Variants in CALN1 observed in about 807,000 individuals in gnomAD.
CALN1 encodes the protein calcium-binding protein 8.
In CALN1, 17 loss-of-function variants were observed where a neutral mutation model predicts 30.6. That is an observed-to-expected ratio of 0.56 (90% CI 0.38 to 0.83). CALN1 has a LOEUF of 0.83. Ranked by LOEUF, CALN1 falls within the 40% of genes least tolerant of loss-of-function variation. The pLI is 0.00. For synonymous variants in CALN1, 156 were observed against 131.4 expected (o/e 1.19, Z -1.28); for missense variants, 291 against 354.9 (o/e 0.82, Z 1.45).
chr7:72,057,493 A>G (rs777919386), intron 4 of CALN1, among the ~76,000 whole-genome samples: 9 of 150,632 alleles, frequency 6.0e-5, no homozygotes, highest in Non-Finnish European at 1.3e-4. Flanking sequence ...TTATCATAAC[A>G]TTATTTGTAA....
chr7:71,922,568 A>T (rs1301944423), intron 5 of CALN1, among the ~76,000 whole-genome samples: 2 of 141,094 alleles, frequency 1.4e-5, no homozygotes, highest in African/African-American at 2.6e-5. Flanking sequence ...ATTATATATA[A>T]ATATATAACA....
chr7:72,310,612 C>T (rs144849173), intron 2 of CALN1, among the ~76,000 whole-genome samples: 1,550 of 151,868 alleles, frequency 0.01, 13 homozygotes, highest in Middle Eastern at 0.024. Context: ...TACATCAAAA[C>T]GTAAGAGCAG....
chr7:71,818,130 A>G (rs1048749233), intron 5 of CALN1, among the ~76,000 whole-genome samples: 3 of 152,174 alleles, frequency 2.0e-5, no homozygotes, highest in Non-Finnish European at 4.4e-5. Context: ...AGTCATTTGA[A>G]TTCAATGTGG....
chr7:71,908,160 G>A (rs1219078080), intron 5 of CALN1, among the ~76,000 whole-genome samples: 1 of 152,088 alleles, frequency 6.6e-6, no homozygotes, highest in Non-Finnish European at 1.5e-5. Context: ...TCTTTTCTCT[G>A]TCTGACCTCC....
intron 2 of CALN1, among the ~76,000 whole-genome samples, chr7:72,329,872 T>G (rs1801543811): frequency 6.6e-6 from 1 of 152,124 alleles, no homozygotes; most frequent in Non-Finnish European, 1.5e-5. Context: ...GAGAATCGTT[T>G]GAATCCTGGA....
intron 4 of CALN1, among the ~76,000 whole-genome samples, chr7:72,057,788 T>C (rs998019139): frequency 1.3e-5 from 2 of 152,180 alleles, no homozygotes; most frequent in African/African-American, 4.8e-5. Flanking sequence ...GATTTCTCCA[T>C]TGATCCCCTA....
chr7:72,151,024 G>A (rs151230281), intron 3 of CALN1, among the ~76,000 whole-genome samples: 21 of 152,070 alleles, frequency 1.4e-4, no homozygotes, highest in African/African-American at 4.3e-4. Context: ...CTGCCTTCCC[G>A]TCCTTGCTAT....
intron 5 of CALN1, among the ~76,000 whole-genome samples, chr7:71,887,907 C>T (rs751256371): frequency 3.9e-5 from 6 of 151,936 alleles, no homozygotes; most frequent in Admixed American, 2.0e-4. Flanking sequence ...TAAATGATGG[C>T]GGCTTGGGTG....
chr7:72,410,780 T>C (rs1353881358), intron 1 of CALN1, among the ~76,000 whole-genome samples: 3 of 151,964 alleles, frequency 2.0e-5, no homozygotes, highest in Non-Finnish European at 4.4e-5. Context: ...CACACCTCCG[T>C]ATCAGCTCAC....
chr7:71,791,447 G>A (rs1160117889), intron 6 of CALN1, among the ~76,000 whole-genome samples: 1 of 152,150 alleles, frequency 6.6e-6, no homozygotes, highest in Non-Finnish European at 1.5e-5. Context: ...AACTAACACA[G>A]GAAGAGAAAA....
At chr7:72,308,374 A>AGGGAGAGAGAGG (rs1308000221) in intron 2 of CALN1, among the ~76,000 whole-genome samples, 1 of 7,392 alleles carries the variant, frequency 1.4e-4, no homozygotes, top group African/African-American at 4.2e-4. Context: ...TGGGGGGGGG[A>AGGGAGAGAGAGG]GAGAGAGAGA....
chr7:72,455,319 ATATGTGTGTG>A, the CALN1 span, among the ~76,000 whole-genome samples: 3 of 132,378 alleles, frequency 2.3e-5, no homozygotes, highest in Admixed American at 8.0e-5. Context: ...ATATATATAT[ATATGTGTGTG>A]TGTGTGTGTG....
At chr7:72,219,736 G>A (rs1322435959) in intron 3 of CALN1, among the ~76,000 whole-genome samples, 1 of 150,714 alleles carries the variant, frequency 6.6e-6, no homozygotes, top group Non-Finnish European at 1.5e-5. Context: ...ACACAAGCAT[G>A]CACGCACACA....
At chr7:71,982,450 T>G (rs1798449501) in intron 5 of CALN1, among the ~76,000 whole-genome samples, 1 of 151,994 alleles carries the variant, frequency 6.6e-6, no homozygotes, top group Admixed American at 6.6e-5. Context: ...TAAAATTAGC[T>G]GGGCATGGCA....
chr7:72,185,527 C>G (rs1242359925), intron 3 of CALN1, among the ~76,000 whole-genome samples: 1 of 152,164 alleles, frequency 6.6e-6, no homozygotes, highest in African/African-American at 2.4e-5. Context: ...ATGTCCATGT[C>G]TATAAATATG....
chr7:72,051,246 CCAGA>C (rs957766241), intron 4 of CALN1, among the ~76,000 whole-genome samples: 5 of 151,572 alleles, frequency 3.3e-5, no homozygotes, highest in African/African-American at 1.2e-4. Context: ...CAAATCGAAT[CCAGA>C]AAGAAGAAAA....
intron 5 of CALN1, among the ~76,000 whole-genome samples, chr7:72,017,470 G>T (rs542396819): frequency 1.3e-5 from 2 of 152,190 alleles, no homozygotes; most frequent in South Asian, 4.2e-4. Flanking sequence ...GCACTTTCAG[G>T]CTAGGGTAAT....
At chr7:71,833,187 T>C (rs1348186800) in intron 5 of CALN1, among the ~76,000 whole-genome samples, 1 of 152,244 alleles carries the variant, frequency 6.6e-6, no homozygotes, top group Non-Finnish European at 1.5e-5. Context: ...GTGATCCATG[T>C]TATTCTATAC....
the CALN1 span, among the ~76,000 whole-genome samples, chr7:72,464,728 T>C: frequency 6.6e-6 from 1 of 152,198 alleles, no homozygotes; most frequent in African/African-American, 2.4e-5. Context: ...GTTAGAGCAA[T>C]ATTCCCAACC....
Sources: gnomAD v4.1 joint callset for allele counts (sites outside exome capture counted in the v4.1 genomes callset) on GRCh38, gnomAD v4.1.1 for gene constraint, MANE v1.5 for transcripts, NCBI Gene and HGNC (gene_info 2026-07-23, HGNC 2026-07-21) for gene names.